Variants in RPRD2 observed in about 807,000 individuals in gnomAD.
RPRD2 encodes the protein regulation of nuclear pre-mRNA domain-containing protein 2.
RPRD2 carries 12 observed loss-of-function variants against 104.4 expected under a neutral mutation model. The ratio of observed to expected loss-of-function variants is 0.11; its 90% CI spans 0.07 to 0.19. The LOEUF (loss-of-function observed/expected upper bound fraction) is 0.19. Among genes scored for constraint, RPRD2 ranks in the 10% least tolerant of loss-of-function variants. The probability of loss-of-function intolerance (pLI) is 1.00; values close to 1 mark genes in which losing one functional copy is unlikely to be tolerated. For synonymous variants in RPRD2, 714 were observed against 684.9 expected (o/e 1.04, Z -0.66); for missense variants, 1,543 against 1,790.1 (o/e 0.86, Z 2.49).
At chr1:150,367,719 CCTT>C (rs1471820132) in intron 1 of RPRD2, among the ~76,000 whole-genome samples, 1 of 151,450 alleles carries the variant, frequency 6.6e-6, no homozygotes, top group Admixed American at 6.6e-5. Context: ...TTTATTTTAT[CCTT>C]CTTTACTTTT....
At chr1:150,390,964 C>A (rs1320121194) in intron 1 of RPRD2, among the ~76,000 whole-genome samples, 1 of 151,998 alleles carries the variant, frequency 6.6e-6, no homozygotes, top group Admixed American at 6.6e-5. Context: ...TTATAGATAA[C>A]TGAAGAATAT....
chr1:150,391,173 A>ATTTTTG (rs1662036439), intron 1 of RPRD2, among the ~76,000 whole-genome samples: 1 of 152,250 alleles, frequency 6.6e-6, no homozygotes, highest in Non-Finnish European at 1.5e-5. Context: ...AAATATTCAA[A>ATTTTTG]GTGCAGAGAG....
chr1:150,404,750 G>A (rs1396217891), intron 1 of RPRD2, among the ~76,000 whole-genome samples: 8 of 152,144 alleles, frequency 5.3e-5, no homozygotes, highest in Non-Finnish European at 1.0e-4. Context: ...GATTACAGGT[G>A]TGTGCCACTG....
chr1:150,372,345 C>T (rs1660374394), intron 1 of RPRD2, among the ~76,000 whole-genome samples: 1 of 152,030 alleles, frequency 6.6e-6, no homozygotes, highest in Admixed American at 6.6e-5. Flanking sequence ...TAAAATTTAG[C>T]CGGGCTTGGT....
At chr1:150,391,099 A>G (rs755175276) in intron 1 of RPRD2, among the ~76,000 whole-genome samples, 1 of 152,194 alleles carries the variant, frequency 6.6e-6, no homozygotes, top group Non-Finnish European at 1.5e-5. Context: ...ATAATTATAG[A>G]TTATTAATTA....
At chr1:150,407,460 C>G (rs1027129699) in intron 1 of RPRD2, among the ~76,000 whole-genome samples, 5 of 152,162 alleles carry the variant, frequency 3.3e-5, no homozygotes, top group Non-Finnish European at 5.9e-5. Flanking sequence ...TGAGTACATT[C>G]ATTTTACATA....
rs782029509 is a variant in RPRD2, at chr1:150,460,266, G to A, written c.1360G>A (p.Ala454Thr). ...GCCAAACCTGGCTAATGTGGATCTG[G>A]CAAAGATCAGTTCCATCCTTAGCAG... The part of the protein sequence containing the change: ...ALPNLANVDL[A>T]KISSILSSLT... Residue 454 changes from alanine (A) to threonine (T), a missense_variant, in exon 9 of 11, where the codon GCA becomes ACA. Physicochemically the swap from Ala to Thr is moderately conservative, Grantham distance 58. Coordinates refer to ENST00000369068, the MANE Select transcript of RPRD2 (RefSeq NM_015203.5). The A allele has an allele frequency of 1.2e-6, 2 of 1,612,946 alleles. No individual in the cohort carries two copies. Among genetic ancestry groups the A allele is most frequent in the East Asian group, 2.2e-5 (1 of 44,874 alleles).
At position 150,364,521 on chromosome 1, in the gene RPRD2, A is replaced by C; in HGVS notation, c.-194A>C. ...GCAGCCCCTCCTTGCAGCGTGTAGG[A>C]GCTGCCAGCGTGCCCAGCAGCTGGT... is the stretch of plus-strand genomic sequence containing the variant. On this transcript the variant is annotated 5_prime_UTR_variant, in exon 1 of 11. Transcript: ENST00000369068. 1 of 544,892 alleles carries C rather than the reference A, an allele frequency of 1.8e-6. No homozygotes were observed. The allele number at this position is 544,892 out of a possible 1,614,324, so 33.8% of individuals were successfully genotyped here. A position where few individuals can be genotyped will look rare whatever the true frequency, so the allele number is the denominator to read the frequency against.
chr1:150,369,454 T>TC (rs1660110897), intron 1 of RPRD2, among the ~76,000 whole-genome samples: 1 of 84,682 alleles, frequency 1.2e-5, no homozygotes, highest in African/African-American at 6.3e-5. Context: ...TTTTTTTTTT[T>TC]TTTTTTTTTT....
chr1:150,402,916 C>T (rs1026632374), intron 1 of RPRD2, among the ~76,000 whole-genome samples: 5 of 151,420 alleles, frequency 3.3e-5, no homozygotes, highest in East Asian at 1.9e-4. Flanking sequence ...TGCGGTGAGC[C>T]GAGATCGCGC....
At chr1:150,394,589 T>G (rs189928880) in intron 1 of RPRD2, among the ~76,000 whole-genome samples, 37 of 152,196 alleles carry the variant, frequency 2.4e-4, no homozygotes, top group African/African-American at 6.0e-4. Context: ...GTGGAGTTTT[T>G]TTTTGTTTTG....
chr1:150,386,622 A>G (rs782343243), intron 1 of RPRD2, among the ~76,000 whole-genome samples: 13 of 152,098 alleles, frequency 8.5e-5, no homozygotes, highest in Non-Finnish European at 1.8e-4. Context: ...CACTTTTAAC[A>G]TCACTAGTGG....
chr1:150,431,497 T>TTTTTTTTTTTTTTTTTTTTTTTTTG (rs1665583347), intron 2 of RPRD2, among the ~76,000 whole-genome samples: 1 of 94,588 alleles, frequency 1.1e-5, no homozygotes, highest in Non-Finnish European at 2.2e-5. Context: ...TTTTTTTTTT[T>TTTTTTTTTTTTTTTTTTTTTTTTTG]GAGACGGGGT....
At chr1:150,461,900 A>G (rs1667958255) in intron 9 of RPRD2, among the ~76,000 whole-genome samples, 1 of 152,014 alleles carries the variant, frequency 6.6e-6, no homozygotes, top group Admixed American at 6.6e-5. Flanking sequence ...GAATGGCCTG[A>G]ACCCAGGAGG....
chr1:150,376,057 T>A (rs1660660123), intron 1 of RPRD2, among the ~76,000 whole-genome samples: 1 of 152,244 alleles, frequency 6.6e-6, no homozygotes, highest in African/African-American at 2.4e-5. Flanking sequence ...CAATTCCATC[T>A]GTGCTTTGAA....
chr1:150,373,814 C>T (rs1234972173), intron 1 of RPRD2, among the ~76,000 whole-genome samples: 2 of 151,808 alleles, frequency 1.3e-5, no homozygotes, highest in East Asian at 3.9e-4. Context: ...GTTTTTAGAG[C>T]CAGGAAGCTG....
chr1:150,462,501 AC>A (rs1311026136), intron 9 of RPRD2, among the ~76,000 whole-genome samples: 2 of 152,006 alleles, frequency 1.3e-5, no homozygotes, highest in Non-Finnish European at 2.9e-5. Context: ...TTTATGAATA[AC>A]CCTTTGCAAG....
intron 2 of RPRD2, among the ~76,000 whole-genome samples, chr1:150,421,799 A>G (rs1553889646): frequency 6.6e-6 from 1 of 152,096 alleles, no homozygotes; most frequent in African/African-American, 2.4e-5. Context: ...CAATATAGCG[A>G]GACCCTGTCT....
chr1:150,466,543 C>CAA (rs56756923), intron 10 of RPRD2, among the ~76,000 whole-genome samples: 1 of 109,048 alleles, frequency 9.2e-6, no homozygotes. Flanking sequence ...GACCCTGCCT[C>CAA]AAAAAAAAAA....
Sources: gnomAD v4.1 joint callset for allele counts (sites outside exome capture counted in the v4.1 genomes callset) on GRCh38, gnomAD v4.1.1 for gene constraint, MANE v1.5 for transcripts, NCBI Gene and HGNC (gene_info 2026-07-23, HGNC 2026-07-21) for gene names.